The following OPHN1 variants were observed in gnomAD, a reference collection of about 807,000 sequenced individuals.
The protein encoded by OPHN1 is oligophrenin 1.
In OPHN1, 11 loss-of-function variants were observed where a neutral mutation model predicts 60.7. That is an observed-to-expected ratio of 0.18 (90% CI 0.11 to 0.30). The LOEUF (loss-of-function observed/expected upper bound fraction) is 0.30. OPHN1 is among the 10% of genes least tolerant of loss of function. The pLI is 1.00. For missense variants in OPHN1, 449 were observed against 611.0 expected, an observed-to-expected ratio of 0.73 and a Z score of 2.80; for synonymous variants, 226 against 222.6, an observed-to-expected ratio of 1.02 and a Z score of -0.14.
chrX:68,169,564 T>C (rs2077378660), intron 15 of OPHN1, among the ~76,000 whole-genome samples: 1 of 108,584 alleles, frequency 9.2e-6, no homozygotes, highest in African/African-American at 3.4e-5. Flanking sequence ...AACAGCATGG[T>C]ACTGGTACCA....
chrX:68,153,227 G>C (rs796785496), intron 15 of OPHN1, among the ~76,000 whole-genome samples: 1 of 100,309 alleles, frequency 1.0e-5, no homozygotes, highest in Non-Finnish European at 2.0e-5. Flanking sequence ...AAAAAAAAAA[G>C]AAAAAAGAAA....
intron 2 of OPHN1, among the ~76,000 whole-genome samples, chrX:68,416,014 CA>C (rs749491371): frequency 8.2e-4 from 62 of 75,434 alleles, no homozygotes; most frequent in Middle Eastern, 6.0e-3. Context: ...GACTCCGTCT[CA>C]AAAAAAAAAA....
intron 15 of OPHN1, among the ~76,000 whole-genome samples, chrX:68,137,040 C>T (rs2147470450): frequency 8.9e-6 from 1 of 111,981 alleles, no homozygotes; most frequent in East Asian, 2.8e-4. Flanking sequence ...TACACTGTAT[C>T]AGCAAAACAT....
intron 2 of OPHN1, among the ~76,000 whole-genome samples, chrX:68,317,320 G>A (rs748409447): frequency 5.7e-5 from 3 of 52,317 alleles, no homozygotes; most frequent in African/African-American, 2.2e-4. Flanking sequence ...AGAAAAAGAA[G>A]AAGAAGAAAG....
chrX:68,228,758 A>C (rs1254659193), intron 6 of OPHN1, among the ~76,000 whole-genome samples: 2 of 111,321 alleles, frequency 1.8e-5, no homozygotes, highest in Non-Finnish European at 3.8e-5. Context: ...GATAGGATGT[A>C]TCTCAAAATA....
At chrX:68,225,845 C>A (rs2077688559) in intron 6 of OPHN1, among the ~76,000 whole-genome samples, 1 of 112,238 alleles carries the variant, frequency 8.9e-6, no homozygotes, top group Admixed American at 9.5e-5. Context: ...TAGCTCCTCA[C>A]CAGCAATGGA....
At chrX:68,382,276 G>A (rs762017883) in intron 2 of OPHN1, among the ~76,000 whole-genome samples, 2 of 110,942 alleles carry the variant, frequency 1.8e-5, no homozygotes, top group Non-Finnish European at 3.8e-5. Flanking sequence ...GAATCTGGGA[G>A]GCAGAGGTTG....
chrX:68,363,608 G>A (rs1237414531), intron 2 of OPHN1, among the ~76,000 whole-genome samples: 1 of 111,514 alleles, frequency 9.0e-6, no homozygotes, highest in Non-Finnish European at 1.9e-5. Flanking sequence ...CACCATGCCT[G>A]GCTGTTAACT....
At chrX:68,199,699 A>G (rs1305949178) in intron 11 of OPHN1, among the ~76,000 whole-genome samples, 3 of 111,784 alleles carry the variant, frequency 2.7e-5, no homozygotes, top group African/African-American at 9.8e-5. Context: ...GCACCTGTTC[A>G]TTATTATATT....
At chrX:68,209,678 C>T (rs1441193191) in intron 9 of OPHN1, among the ~76,000 whole-genome samples, 1 of 112,128 alleles carries the variant, frequency 8.9e-6, no homozygotes, top group East Asian at 2.8e-4. Flanking sequence ...AATTTTAGTC[C>T]TGACACTTGT....
intron 2 of OPHN1, among the ~76,000 whole-genome samples, chrX:68,390,308 A>G (rs2078647300): frequency 8.9e-6 from 1 of 111,879 alleles, no homozygotes. Context: ...TTAAAAAGGA[A>G]AACACTGGGG....
intron 15 of OPHN1, among the ~76,000 whole-genome samples, chrX:68,182,226 T>C (rs1282860454): frequency 1.0e-5 from 1 of 96,384 alleles, no homozygotes; most frequent in Admixed American, 1.2e-4. Flanking sequence ...TGATGGTAGT[T>C]TCTCCACTAG....
At chrX:68,399,477 C>T (rs1187652261) in intron 2 of OPHN1, among the ~76,000 whole-genome samples, 2 of 111,220 alleles carry the variant, frequency 1.8e-5, no homozygotes, top group South Asian at 3.8e-4. Context: ...ATGGCGAAAC[C>T]CCGTCTCTAC....
chrX:68,411,454 T>C (rs1256841262), intron 2 of OPHN1, among the ~76,000 whole-genome samples: 4 of 112,384 alleles, frequency 3.6e-5, no homozygotes, highest in Non-Finnish European at 7.5e-5. Flanking sequence ...TTTTTAATAA[T>C]AGCCATTCTG....
intron 2 of OPHN1, among the ~76,000 whole-genome samples, chrX:68,382,243 A>G (rs1429158368): frequency 4.5e-5 from 5 of 111,020 alleles, no homozygotes; most frequent in African/African-American, 1.6e-4. Context: ...GCTACTCAGG[A>G]GGCTGAGGCA....
chrX:68,090,745 AG>A (rs1054732863), intron 19 of OPHN1, among the ~76,000 whole-genome samples: 3 of 111,533 alleles, frequency 2.7e-5, no homozygotes, highest in Non-Finnish European at 5.7e-5. Flanking sequence ...GCCAGTTTAT[AG>A]GAAGAACTGC....
At chrX:68,336,947 G>A (rs187016490) in intron 2 of OPHN1, among the ~76,000 whole-genome samples, 76 of 110,442 alleles carry the variant, frequency 6.9e-4, no homozygotes, top group Non-Finnish European at 1.2e-3. Flanking sequence ...TATAATTCCA[G>A]CTACTCGGGA....
At chrX:68,371,808 G>A (rs899462809) in intron 2 of OPHN1, among the ~76,000 whole-genome samples, 2 of 112,286 alleles carry the variant, frequency 1.8e-5, no homozygotes, top group Non-Finnish European at 3.8e-5. Context: ...GCAGTGGCGC[G>A]ATCTCGGCTC....
At chrX:68,051,636 T>A (rs935813140) in intron 23 of OPHN1, among the ~76,000 whole-genome samples, 33 of 110,846 alleles carry the variant, frequency 3.0e-4, no homozygotes, top group African/African-American at 1.1e-3. Flanking sequence ...CATATCCCTG[T>A]CAGCTGCCCT....
Sources: gnomAD v4.1 joint callset for allele counts (sites outside exome capture counted in the v4.1 genomes callset) on GRCh38, gnomAD v4.1.1 for gene constraint, MANE v1.5 for transcripts, NCBI Gene and HGNC (gene_info 2026-07-23, HGNC 2026-07-21) for gene names.